Variants in SLC44A5 observed in about 807,000 individuals in gnomAD.
The protein encoded by SLC44A5 is choline transporter-like protein 5.
SLC44A5 carries 57 observed loss-of-function variants against 101.8 expected under a neutral mutation model. The observed-to-expected ratio is 0.56, with a 90% CI of 0.45 to 0.70. The LOEUF is 0.70. Among genes scored for constraint, SLC44A5 ranks in the 30% least tolerant of loss-of-function variants. The pLI is 0.00. For missense variants in SLC44A5, 737 were observed against 853.1 expected, an observed-to-expected ratio of 0.86 and a Z score of 1.70; for synonymous variants, 281 against 290.9, an observed-to-expected ratio of 0.97 and a Z score of 0.35.
chr1:75,384,758 T>G lies in SLC44A5; in HGVS notation c.52+11825A>C, dbSNP rs1464745201. 1.4e-4 allele frequency among the ~76,000 whole-genome samples: 20 copies of G among 139,810 alleles called. No individual in the cohort carries two copies. The East Asian group carries it at 2.2e-3, about 15-fold the overall frequency. The allele number at this position is 139,810 out of a possible 152,430, so 91.7% of individuals were successfully genotyped here. A position where few individuals can be genotyped will look rare whatever the true frequency, so the allele number is the denominator to read the frequency against. On this transcript the variant is annotated intron_variant, in intron 3 of 23. Transcript: ENST00000370859. ...CCCCAAATCAACAGAATATACATTT[T>G]TTTCAGCACCACACCACACCTATTC...
At chr1:75,227,932 A>G in intron 12 of SLC44A5, 75 bp from the exon 13 acceptor site, 1 of 1,210,342 alleles carries the variant, frequency 8.3e-7, no homozygotes, top group Non-Finnish European at 1.1e-6. Context: ...CTCATCATAC[A>G]TATCTATATG....
At chr1:75,577,231 C>A (rs1366741688) in intron 1 of SLC44A5, among the ~76,000 whole-genome samples, 1 of 152,214 alleles carries the variant, frequency 6.6e-6, no homozygotes, top group Non-Finnish European at 1.5e-5. Context: ...ACTCTTGCCC[C>A]CACAGTCTAT....
the SLC44A5 span, among the ~76,000 whole-genome samples, chr1:75,679,496 C>T: frequency 9.2e-5 from 14 of 151,894 alleles, no homozygotes; most frequent in Middle Eastern, 3.2e-3. Context: ...CCCAGAATTT[C>T]ATATCCAGCC....
At position 75,202,276 on chromosome 1, in the gene SLC44A5, G is replaced by C. The variant is rs1418884255; in HGVS notation, c.*1451C>G. 1 of 152,100 alleles carries C rather than the reference G, an allele frequency of 6.6e-6. No homozygotes were observed. The highest frequency in any genetic ancestry group is 1.9e-4 in the East Asian group (1 of 5,190). The allele number at this position is 152,100 out of a possible 1,614,324, so 9.4% of individuals were successfully genotyped here. ...GCACAGCAGAAGCACACTGATTATA[G>C]AGCTCAGACTGTCATGTGCTCATGT... is the stretch of plus-strand genomic sequence containing the variant. On this transcript the variant is annotated 3_prime_UTR_variant, in exon 24 of 24. Coordinates refer to ENST00000370859, the MANE Select transcript of SLC44A5 (RefSeq NM_001130058.2).
intron 1 of SLC44A5, among the ~76,000 whole-genome samples, chr1:75,591,789 C>T (rs1369642681): frequency 6.6e-6 from 1 of 151,520 alleles, no homozygotes; most frequent in Non-Finnish European, 1.5e-5. Flanking sequence ...ATGATAATTT[C>T]AATTGATGCT....
At chr1:75,358,651 A>G (rs1170735247) in intron 3 of SLC44A5, among the ~76,000 whole-genome samples, 2 of 152,150 alleles carry the variant, frequency 1.3e-5, no homozygotes, top group African/African-American at 2.4e-5. Flanking sequence ...TGTAGTCACC[A>G]TGCAGTACTT....
intron 2 of SLC44A5, among the ~76,000 whole-genome samples, chr1:75,532,484 C>T (rs567980372): frequency 2.0e-5 from 3 of 152,184 alleles, no homozygotes; most frequent in African/African-American, 7.2e-5. Flanking sequence ...CAGTCATTAC[C>T]CTCTTAATAA....
chr1:75,583,793 A>AT (rs1673837065), intron 1 of SLC44A5, among the ~76,000 whole-genome samples: 1 of 152,168 alleles, frequency 6.6e-6, no homozygotes, highest in African/African-American at 2.4e-5. Context: ...TAACCTCTAT[A>AT]TGCAGTACTC....
chr1:75,496,606 A>G (rs1322589141), intron 2 of SLC44A5, among the ~76,000 whole-genome samples: 1 of 148,454 alleles, frequency 6.7e-6, no homozygotes, highest in African/African-American at 2.6e-5. Context: ...ACAGACAACA[A>G]CAACAAAAAA....
intron 2 of SLC44A5, among the ~76,000 whole-genome samples, chr1:75,463,501 C>T (rs560574145): frequency 2.7e-5 from 4 of 150,720 alleles, no homozygotes; most frequent in South Asian, 2.1e-4. Context: ...TCCAATATGT[C>T]GGGCAGCAGA....
At chr1:75,477,974 A>C (rs1246293885) in intron 2 of SLC44A5, among the ~76,000 whole-genome samples, 2 of 152,148 alleles carry the variant, frequency 1.3e-5, no homozygotes, top group Non-Finnish European at 2.9e-5. Flanking sequence ...GTTGAAATGA[A>C]GGAAAAAATG....
the SLC44A5 span, among the ~76,000 whole-genome samples, chr1:75,633,330 C>T: frequency 3.3e-5 from 5 of 152,124 alleles, no homozygotes; most frequent in East Asian, 3.9e-4. Context: ...ATTTTCACGA[C>T]ATTGATTCTT....
intron 23 of SLC44A5, among the ~76,000 whole-genome samples, chr1:75,208,411 G>C (rs541120106): frequency 2.6e-5 from 4 of 152,194 alleles, no homozygotes; most frequent in African/African-American, 4.8e-5. Flanking sequence ...TGCCGGCCTC[G>C]GCCTCCCAAA....
chr1:75,517,134 A>G (rs1168265053), intron 2 of SLC44A5, among the ~76,000 whole-genome samples: 2 of 152,208 alleles, frequency 1.3e-5, no homozygotes, highest in East Asian at 3.9e-4. Flanking sequence ...TTGTTTCATC[A>G]AGGATCAATA....
chr1:75,276,227 A>G (rs1651907904), intron 5 of SLC44A5, among the ~76,000 whole-genome samples: 1 of 152,116 alleles, frequency 6.6e-6, no homozygotes, highest in Non-Finnish European at 1.5e-5. Context: ...GGTAGCTCTC[A>G]GCTGCCGTAT....
chr1:75,270,899 T>C lies in SLC44A5; in HGVS notation c.260+4059A>G, dbSNP rs528811526. Among the ~76,000 whole-genome samples the C allele has an allele frequency of 5.3e-5, 8 of 152,272 alleles. No homozygotes were observed. In the South Asian group the frequency reaches 1.2e-3, roughly 24 times the overall value. On this transcript the variant is annotated intron_variant, in intron 6 of 23. Coordinates refer to ENST00000370859, the MANE Select transcript of SLC44A5 (RefSeq NM_001130058.2). Reference sequence around the variant, plus strand: ...GTTTGACATAAGTGGATCATTGGCTTATGTCTGGAAAACTTCTTGTTACAA... The same window carrying C: ...GTTTGACATAAGTGGATCATTGGCTCATGTCTGGAAAACTTCTTGTTACAA...
chr1:75,266,247 T>C (rs1650976174), intron 6 of SLC44A5, among the ~76,000 whole-genome samples: 1 of 151,882 alleles, frequency 6.6e-6, no homozygotes, highest in Admixed American at 6.6e-5. Context: ...AACAGGTAAG[T>C]TTCCCCATTT....
chr1:75,546,721 G>T (rs1671671633), intron 1 of SLC44A5, among the ~76,000 whole-genome samples: 1 of 152,046 alleles, frequency 6.6e-6, no homozygotes, highest in Non-Finnish European at 1.5e-5. Context: ...GCTCTGTCTT[G>T]TTCCAATGCT....
intron 3 of SLC44A5, among the ~76,000 whole-genome samples, chr1:75,394,139 G>A (rs1220538849): frequency 6.6e-6 from 1 of 152,132 alleles, no homozygotes; most frequent in East Asian, 1.9e-4. Context: ...AGATCAGAGA[G>A]TCAGGAGGAA....
Sources: gnomAD v4.1 joint callset for allele counts (sites outside exome capture counted in the v4.1 genomes callset) on GRCh38, gnomAD v4.1.1 for gene constraint, MANE v1.5 for transcripts, NCBI Gene and HGNC (gene_info 2026-07-23, HGNC 2026-07-21) for gene names.